Variants in PRKN observed in about 807,000 individuals in gnomAD.
PRKN encodes E3 ubiquitin-protein ligase parkin.
A neutral mutation model predicts 59.5 loss-of-function variants in PRKN; 56 were observed. The observed-to-expected ratio is 0.94, with a 90% CI of 0.76 to 1.18. The LOEUF (loss-of-function observed/expected upper bound fraction) is 1.18, where lower values mean the gene tolerates loss of function less well. PRKN is among the 50% of genes most tolerant of loss of function. The probability of loss-of-function intolerance (pLI) is 0.00; values close to 1 mark genes in which losing one functional copy is unlikely to be tolerated. For missense variants in PRKN, 657 were observed against 596.4 expected (o/e 1.10, Z -1.06); for synonymous variants, 250 against 222.1 (o/e 1.13, Z -1.12).
intron 2 of PRKN, among the ~76,000 whole-genome samples, chr6:162,440,865 G>C (rs563267811): frequency 6.6e-6 from 1 of 151,718 alleles, no homozygotes; most frequent in South Asian, 2.1e-4. Context: ...CTAAATAGTT[G>C]TAAACATATG....
intron 7 of PRKN, among the ~76,000 whole-genome samples, chr6:161,615,642 C>T (rs946221556): frequency 3.3e-5 from 5 of 152,234 alleles, no homozygotes; most frequent in Non-Finnish European, 7.3e-5. Flanking sequence ...ACCCTTGCTC[C>T]GGCCCCATGC....
intron 2 of PRKN, among the ~76,000 whole-genome samples, chr6:162,280,796 C>CAAAAAAA (rs35943173): frequency 1.7e-4 from 7 of 41,330 alleles, no homozygotes; most frequent in Admixed American, 3.8e-4. Context: ...GACTCCATCT[C>CAAAAAAA]AAAAAAAAAA....
At chr6:162,672,059 C>T (rs1287944458) in intron 1 of PRKN, among the ~76,000 whole-genome samples, 2 of 152,048 alleles carry the variant, frequency 1.3e-5, no homozygotes. Context: ...CTCCAGAAAT[C>T]AGGCAGAAGG....
intron 2 of PRKN, among the ~76,000 whole-genome samples, chr6:162,399,534 TAC>T (rs201632510): frequency 3.3e-5 from 5 of 151,862 alleles, no homozygotes; most frequent in Admixed American, 6.6e-5. Context: ...GAATAACACA[TAC>T]ACACACACAC....
rs768568929 is a variant in PRKN at position 161,582,971 on chromosome 6, AACAC to A, written c.872-13559_872-13556del. Among the ~76,000 whole-genome samples, 9,906 of 116,960 alleles carry A rather than the reference AACAC, an allele frequency of 0.085. 386 individuals carry two copies. The highest frequency in any genetic ancestry group is 0.14 in the South Asian group (406 of 2,948). The allele number at this position is 116,960 out of a possible 152,430, so 76.7% of individuals were successfully genotyped here. On this transcript the variant is annotated intron_variant, in intron 7 of 11. Coordinates refer to ENST00000366898, the MANE Select transcript of PRKN (RefSeq NM_004562.3). This position sits in a 1 kb window ranked among gnomAD's most constrained non-coding sequence, Gnocchi z 4.4. ...TCTTTCCAGTGAGATGGCCTATTCC[AACAC>A]ACACACACACACACACACACACACA...
intron 7 of PRKN, among the ~76,000 whole-genome samples, chr6:161,762,458 T>C (rs1406218268): frequency 6.6e-6 from 1 of 152,200 alleles, no homozygotes; most frequent in Non-Finnish European, 1.5e-5. Context: ...TTTCAAGCTA[T>C]TAATGAACAA....
At chr6:162,528,068 CGGGGGGGCG>C (rs1778358492) in intron 1 of PRKN, among the ~76,000 whole-genome samples, 1 of 82,914 alleles carries the variant, frequency 1.2e-5, no homozygotes. Flanking sequence ...CGGGGGAGGG[CGGGGGGGCG>C]GGAGGGGTGC....
At chr6:161,598,879 C>A (rs769877504) in intron 7 of PRKN, among the ~76,000 whole-genome samples, 1 of 152,112 alleles carries the variant, frequency 6.6e-6, no homozygotes, top group Non-Finnish European at 1.5e-5. Flanking sequence ...TGAATATAAC[C>A]TCATTTGGGA....
rs540876753 is a variant in PRKN, at chr6:161,627,494, T to C, written c.872-58078A>G. On this transcript the variant is annotated intron_variant, in intron 7 of 11. Coordinates refer to ENST00000366898, the MANE Select transcript of PRKN (RefSeq NM_004562.3). ...TAAAGAACAAGAGGAGTGTAGCAAG[T>C]GTCATCAAATGCTTTCATAAAGCCC... Among the ~76,000 whole-genome samples the C allele has an allele frequency of 2.9e-4, 44 of 152,336 alleles. 1 individual carries two copies. The South Asian group carries it at 8.7e-3, about 30-fold the overall frequency.
chr6:161,774,966 G>A (rs1562673940), intron 7 of PRKN, among the ~76,000 whole-genome samples: 1 of 152,146 alleles, frequency 6.6e-6, no homozygotes, highest in African/African-American at 2.4e-5. Context: ...TCAGGAGTTA[G>A]TTTCAATGTG....
chr6:162,586,907 G>A (rs566053082), intron 1 of PRKN, among the ~76,000 whole-genome samples: 1 of 152,108 alleles, frequency 6.6e-6, no homozygotes, highest in Non-Finnish European at 1.5e-5. Flanking sequence ...TTACATGCCC[G>A]TGATAGGCAC....
At chr6:161,542,738 A>G (rs907260896) in intron 9 of PRKN, among the ~76,000 whole-genome samples, 2 of 152,158 alleles carry the variant, frequency 1.3e-5, no homozygotes, top group African/African-American at 4.8e-5. Flanking sequence ...TCCAGTCTCT[A>G]TGTGCTGGAG....
Position 161,468,697 on chromosome 6 carries a change from T to C in PRKN, c.1083+80157A>G, listed in dbSNP as rs774415065. Among the ~76,000 whole-genome samples, 2 of 152,186 alleles carry C rather than the reference T, an allele frequency of 1.3e-5. No individual in the cohort carries two copies. Among genetic ancestry groups the C allele is most frequent in the Non-Finnish European group, 2.9e-5 (2 of 68,034 alleles). The stretch of plus-strand genomic sequence containing the variant: ...ATGGCCGGGGAATTACTCTGCTATT[T>C]ACCACTAATGCAGCTGCCGGGAGGA... On this transcript the variant is annotated intron_variant, in intron 9 of 11. Coordinates refer to ENST00000366898, the MANE Select transcript of PRKN (RefSeq NM_004562.3). The surrounding 1 kb of genome is among the most constrained non-coding windows in gnomAD (Gnocchi z 5.9).
intron 7 of PRKN, among the ~76,000 whole-genome samples, chr6:161,615,491 T>C (rs901563538): frequency 1.3e-5 from 2 of 151,860 alleles, no homozygotes; most frequent in African/African-American, 2.4e-5. Flanking sequence ...AACAGCAGAG[T>C]GTCGATGAAG....
At chr6:162,404,714 A>G (rs1181165910) in intron 2 of PRKN, among the ~76,000 whole-genome samples, 1 of 152,028 alleles carries the variant, frequency 6.6e-6, no homozygotes, top group Non-Finnish European at 1.5e-5. Flanking sequence ...CACCACACCC[A>G]GCTAATTTTG....
At chr6:161,671,629 A>G (rs895976970) in intron 7 of PRKN, among the ~76,000 whole-genome samples, 1 of 152,208 alleles carries the variant, frequency 6.6e-6, no homozygotes, top group Non-Finnish European at 1.5e-5. Flanking sequence ...CCGGCCAATA[A>G]AAGTGAAGAC....
At chr6:161,439,580 C>A (rs1345483711) in intron 9 of PRKN, among the ~76,000 whole-genome samples, 1 of 152,172 alleles carries the variant, frequency 6.6e-6, no homozygotes, top group Non-Finnish European at 1.5e-5. Context: ...GAGATACCAC[C>A]AGAAGTGAAA....
At chr6:162,527,539 A>G (rs1183605129) in intron 1 of PRKN, among the ~76,000 whole-genome samples, 3 of 152,236 alleles carry the variant, frequency 2.0e-5, no homozygotes, top group African/African-American at 7.2e-5. Flanking sequence ...AACTATCAGC[A>G]TATAGGTTTC....
In PRKN at chr6:162,427,654, CT is replaced by C. The variant is rs543234365; in HGVS notation, c.171+15655del. Among the ~76,000 whole-genome samples the C allele has an allele frequency of 2.0e-3, 281 of 141,934 alleles. 2 individuals are homozygous for C. Among genetic ancestry groups the C allele is most frequent in the African/African-American group, 5.5e-3 (209 of 37,808 alleles). The allele number at this position is 141,934 out of a possible 152,430, so 93.1% of individuals were successfully genotyped here. A position where few individuals can be genotyped will look rare whatever the true frequency, so the allele number is the denominator to read the frequency against. On this transcript the variant is annotated intron_variant, in intron 2 of 11. Transcript: ENST00000366898. ...GGCTGGTAAATAAATGTTTTTTTTT[CT>C]TTTTTTTTTTGATGGAGTCTCGCTC...
Sources: allele counts gnomAD v4.1 joint callset (sites outside exome capture counted in the v4.1 genomes callset), GRCh38; gene constraint gnomAD v4.1.1; non-coding constraint Gnocchi (gnomAD v3.1); transcripts MANE v1.5; gene names NCBI Gene and HGNC (gene_info 2026-07-23, HGNC 2026-07-21).